The following FGGY variants were observed in gnomAD, a reference collection of about 807,000 sequenced individuals.
FGGY encodes FGGY carbohydrate kinase domain-containing protein.
Under a neutral mutation model 71.3 loss-of-function variants are expected in FGGY, and 72 were observed. That is an observed-to-expected ratio of 1.01 (90% CI 0.84 to 1.23). The LOEUF is 1.23. Ranked by LOEUF, FGGY falls within the 50% of genes most tolerant of loss-of-function variation. FGGY has a pLI of 0.00. For missense variants in FGGY, 668 were observed against 682.3 expected (o/e 0.98, Z 0.23); for synonymous variants, 251 against 250.3 (o/e 1.00, Z -0.02).
At chr1:59,758,078 G>A (rs2098310187) in intron 15 of FGGY, 86 bp downstream of exon 15, 1 of 913,706 alleles carries the variant, frequency 1.1e-6, no homozygotes, top group Non-Finnish European at 1.7e-6. Flanking sequence ...AATAAACTCA[G>A]GTGGTCAACT....
chr1:59,639,527 C>T (rs1026213100), intron 11 of FGGY, among the ~76,000 whole-genome samples: 1 of 152,142 alleles, frequency 6.6e-6, no homozygotes, highest in African/African-American at 2.4e-5. Flanking sequence ...CATGTGGCAA[C>T]AGACCGCAAC....
intron 9 of FGGY, among the ~76,000 whole-genome samples, chr1:59,616,501 G>C (rs1228397922): frequency 1.3e-5 from 2 of 152,102 alleles, no homozygotes; most frequent in African/African-American, 2.4e-5. Context: ...GGAGTGGAGA[G>C]GGATAGCATT....
chr1:59,583,189 C>G (rs1407977477), intron 8 of FGGY, among the ~76,000 whole-genome samples: 1 of 142,922 alleles, frequency 7.0e-6, no homozygotes, highest in Non-Finnish European at 1.5e-5. Context: ...GGAAGTGTCC[C>G]TATGCAACAT....
intron 9 of FGGY, among the ~76,000 whole-genome samples, chr1:59,615,300 A>T (rs1339244336): frequency 1.3e-5 from 2 of 152,220 alleles, no homozygotes; most frequent in African/African-American, 4.8e-5. Flanking sequence ...ATCATAACAG[A>T]GATATAGACC....
chr1:59,601,575 CTG>C (rs2096578734), intron 8 of FGGY, among the ~76,000 whole-genome samples: 1 of 152,132 alleles, frequency 6.6e-6, no homozygotes, highest in Non-Finnish European at 1.5e-5. Flanking sequence ...TATGGGCTGA[CTG>C]TGTTTGACTC....
chr1:59,483,750 C>T lies in FGGY; in HGVS notation c.670+26674C>T, dbSNP rs185649925. Among the ~76,000 whole-genome samples the T allele has an allele frequency of 3.3e-5, 5 of 152,166 alleles. No individual in the cohort carries two copies. The East Asian group carries it at 5.8e-4, about 18-fold the overall frequency. Reference sequence around the variant, plus strand: ...CTATGGTGACAGTTTAAATCAACAGCAAAAGCAGAAACCCTTGTCTAAAGC... The same window carrying T: ...CTATGGTGACAGTTTAAATCAACAGTAAAAGCAGAAACCCTTGTCTAAAGC... On this transcript the variant is annotated intron_variant, in intron 6 of 15. Coordinates refer to ENST00000303721, the MANE Select transcript of FGGY (RefSeq NM_018291.5).
chr1:59,522,964 A>G (rs1229796081), intron 7 of FGGY, among the ~76,000 whole-genome samples: 1 of 152,240 alleles, frequency 6.6e-6, no homozygotes, highest in African/African-American at 2.4e-5. Context: ...ACAGAACTGT[A>G]TCTGGTATTC....
At chr1:59,622,345 T>G (rs1298986726) in intron 9 of FGGY, among the ~76,000 whole-genome samples, 1 of 152,162 alleles carries the variant, frequency 6.6e-6, no homozygotes, top group Non-Finnish European at 1.5e-5. Context: ...CATTTTCCTG[T>G]TCCTCAATAT....
chr1:59,319,822 A>G (rs1298931370), intron 1 of FGGY, among the ~76,000 whole-genome samples: 1 of 152,110 alleles, frequency 6.6e-6, no homozygotes, highest in Non-Finnish European at 1.5e-5. Flanking sequence ...TCACAGCTCA[A>G]AGCTGGTGGT....
At chr1:59,649,013 TC>T (rs1370699639) in intron 11 of FGGY, among the ~76,000 whole-genome samples, 1 of 151,600 alleles carries the variant, frequency 6.6e-6, no homozygotes, top group Non-Finnish European at 1.5e-5. Flanking sequence ...GGGAATCCTT[TC>T]CCCATTGCTT....
chr1:59,578,445 CA>C (rs2096124822), intron 8 of FGGY, among the ~76,000 whole-genome samples: 2 of 151,974 alleles, frequency 1.3e-5, no homozygotes, highest in African/African-American at 4.8e-5. Flanking sequence ...AGCTGTCCAG[CA>C]GGAAAAAGTA....
At chr1:59,494,315 A>C (rs577832490) in intron 6 of FGGY, among the ~76,000 whole-genome samples, 1 of 152,302 alleles carries the variant, frequency 6.6e-6, no homozygotes, top group Non-Finnish European at 1.5e-5. Context: ...GAGACTTCAG[A>C]GTTGTGACAT....
chr1:59,569,742 G>A (rs529790474), intron 8 of FGGY, among the ~76,000 whole-genome samples: 1 of 152,120 alleles, frequency 6.6e-6, no homozygotes, highest in Non-Finnish European at 1.5e-5. Flanking sequence ...TTTATTAAAC[G>A]TCTTATGGAA....
chr1:59,620,226 A>G (rs1028574335), intron 9 of FGGY, among the ~76,000 whole-genome samples: 2 of 152,072 alleles, frequency 1.3e-5, no homozygotes, highest in Non-Finnish European at 2.9e-5. Flanking sequence ...AAAATAAAAA[A>G]TTAGGATTAA....
chr1:59,308,837 C>A (rs2043829914), intron 1 of FGGY, among the ~76,000 whole-genome samples: 1 of 152,190 alleles, frequency 6.6e-6, no homozygotes, highest in Non-Finnish European at 1.5e-5. Context: ...TGGCATCATA[C>A]TGTATCATCC....
chr1:59,747,387 T>C (rs546158865), intron 14 of FGGY, among the ~76,000 whole-genome samples: 3 of 152,344 alleles, frequency 2.0e-5, no homozygotes, highest in South Asian at 4.1e-4. Context: ...CACTCCCCTG[T>C]GCCGTATTTG....
intron 11 of FGGY, among the ~76,000 whole-genome samples, chr1:59,649,061 G>C (rs1032280298): frequency 6.6e-6 from 1 of 151,790 alleles, no homozygotes; most frequent in East Asian, 1.9e-4. Context: ...GATAGTTTTA[G>C]GTATGCGGCA....
intron 10 of FGGY, among the ~76,000 whole-genome samples, chr1:59,628,434 GACTTAAGGAGGT>G (rs2096879023): frequency 6.6e-6 from 1 of 152,162 alleles, no homozygotes; most frequent in African/African-American, 2.4e-5. Context: ...GATTGGAGGA[GACTTAAGGAGGT>G]ACTACAGCTG....
chr1:59,389,243 C>T (rs2060425723), intron 5 of FGGY, among the ~76,000 whole-genome samples: 1 of 152,216 alleles, frequency 6.6e-6, no homozygotes, highest in South Asian at 2.1e-4. Flanking sequence ...CTCCCTCTCC[C>T]CTCTTAAACT....
Sources: allele counts gnomAD v4.1 joint callset (sites outside exome capture counted in the v4.1 genomes callset), GRCh38; gene constraint gnomAD v4.1.1; transcripts MANE v1.5; gene names NCBI Gene and HGNC (gene_info 2026-07-23, HGNC 2026-07-21).